Variants in NLRP5 observed in about 807,000 individuals in gnomAD.
The protein encoded by NLRP5 is NACHT, LRR and PYD domains-containing protein 5.
NLRP5 carries 93 observed loss-of-function variants against 113.1 expected under a neutral mutation model. That is an observed-to-expected ratio of 0.82 (90% CI 0.70 to 0.98). NLRP5 has a LOEUF of 0.98. Ranked by LOEUF, NLRP5 falls within the 50% of genes least tolerant of loss-of-function variation. The pLI is 0.00. For missense variants in NLRP5, 1,808 were observed against 1,514.3 expected (o/e 1.19, Z -3.22); for synonymous variants, 751 against 600.7 (o/e 1.25, Z -3.66).
intron 3 of NLRP5, 70 bp downstream of exon 3, chr19:56,008,923 G>A: frequency 3.0e-6 from 4 of 1,336,756 alleles, no homozygotes; most frequent in Non-Finnish European, 4.2e-6. Context: ...GCATCTCTAG[G>A]CATTAGAACC....
intron 9 of NLRP5, among the ~76,000 whole-genome samples, chr19:56,035,413 C>T (rs1045135064): frequency 6.6e-6 from 1 of 152,216 alleles, no homozygotes; most frequent in Non-Finnish European, 1.5e-5. Flanking sequence ...AATGCTGTGC[C>T]TGACATCGTG....
chr19:55,999,824 A>C, intron 1 of NLRP5: 1 of 1,514,620 alleles, frequency 6.6e-7, no homozygotes, highest in South Asian at 1.1e-5. Context: ...GAGGAAACCG[A>C]CCCTCAGCCT....
chr19:56,056,587 A>G (rs1984161657), intron 13 of NLRP5, among the ~76,000 whole-genome samples: 1 of 152,092 alleles, frequency 6.6e-6, no homozygotes, highest in Admixed American at 6.5e-5. Context: ...GCGGTAGTTA[A>G]TTTAACCCAT....
chr19:56,019,310 C>T (rs1044615249), intron 4 of NLRP5, 32 bp from the exon 5 acceptor site: 1 of 1,613,182 alleles, frequency 6.2e-7, no homozygotes, highest in Non-Finnish European at 8.5e-7. Flanking sequence ...ATAATAAACA[C>T]AAGTATGTTG....
intron 6 of NLRP5, among the ~76,000 whole-genome samples, chr19:56,020,977 G>A (rs994079431): frequency 1.3e-5 from 2 of 151,290 alleles, no homozygotes; most frequent in Non-Finnish European, 2.9e-5. Flanking sequence ...AGGTTCAAGC[G>A]ATTCTTCTGT....
At chr19:56,055,833 C>T (rs1238225349) in intron 13 of NLRP5, among the ~76,000 whole-genome samples, 6 of 152,146 alleles carry the variant, frequency 3.9e-5, no homozygotes, top group East Asian at 3.9e-4. Context: ...GCATAAGCCA[C>T]CGCGCCTGGC....
chr19:56,059,546 T>C (rs1984278226), intron 14 of NLRP5, among the ~76,000 whole-genome samples: 1 of 152,146 alleles, frequency 6.6e-6, no homozygotes, highest in Admixed American at 6.6e-5. Context: ...TATTTTAAGT[T>C]TTTTGAGATG....
chr19:56,026,304 A>G (rs1303080864), intron 6 of NLRP5, among the ~76,000 whole-genome samples: 1 of 151,808 alleles, frequency 6.6e-6, no homozygotes. Flanking sequence ...CGAGGTGGGT[A>G]CATCACTAGG....
At chr19:56,002,017 G>C (rs979657839) in intron 1 of NLRP5, among the ~76,000 whole-genome samples, 1 of 152,164 alleles carries the variant, frequency 6.6e-6, no homozygotes, top group Non-Finnish European at 1.5e-5. Flanking sequence ...TATTCCTGGG[G>C]CCTTATAACA....
chr19:55,994,380 A>T, the NLRP5 span, among the ~76,000 whole-genome samples: 2 of 152,016 alleles, frequency 1.3e-5, no homozygotes, highest in Non-Finnish European at 2.9e-5. Flanking sequence ...TATTTTGCAA[A>T]TATTTTCTCC....
In NLRP5 at chr19:56,027,159, A is replaced by G. The variant is rs1982891368; in HGVS notation, c.926A>G (p.Tyr309Cys). 9 of 1,604,110 alleles carry G rather than the reference A, an allele frequency of 5.6e-6. No homozygotes were observed. The highest frequency in any genetic ancestry group is 6.8e-6 in the Non-Finnish European group (8 of 1,175,550). The change falls in exon 7 of 15, where the codon TAC (tyrosine) becomes TGC (cysteine). Residue 309 changes from tyrosine to cysteine, a missense_variant. Physicochemically the swap from Tyr to Cys is radical, Grantham distance 194. Coordinates refer to ENST00000390649, the MANE Select transcript of NLRP5 (RefSeq NM_153447.4). ...CTGTGCTGGGCGCAAGGTGGACTCT[A>G]CCAGGGAATGTTCTCCTACGTCTTC...
chr19:56,012,550 T>C (rs1312335845), intron 3 of NLRP5, among the ~76,000 whole-genome samples: 1 of 137,862 alleles, frequency 7.3e-6, no homozygotes, highest in Non-Finnish European at 1.5e-5. Context: ...ATTACCATAA[T>C]CCAGTCTTAG....
At chr19:56,024,580 T>TACAC (rs1331475566) in intron 6 of NLRP5, among the ~76,000 whole-genome samples, 1 of 123,740 alleles carries the variant, frequency 8.1e-6, no homozygotes, top group East Asian at 2.1e-4. Flanking sequence ...CACATATATA[T>TACAC]ACATACACAC....
At chr19:56,051,961 C>T (rs368918768) in intron 12 of NLRP5, among the ~76,000 whole-genome samples, 2 of 152,288 alleles carry the variant, frequency 1.3e-5, no homozygotes, top group Admixed American at 6.5e-5. Flanking sequence ...AGTATTAATT[C>T]TACCATTTGT....
intron 1 of NLRP5, among the ~76,000 whole-genome samples, chr19:56,003,441 A>G (rs1446794133): frequency 6.6e-6 from 1 of 152,246 alleles, no homozygotes; most frequent in Non-Finnish European, 1.5e-5. Context: ...GGCGTGAGCC[A>G]CTGCACCTGG....
chr19:55,989,653 C>T, the NLRP5 span, among the ~76,000 whole-genome samples: 1 of 152,174 alleles, frequency 6.6e-6, no homozygotes, highest in African/African-American at 2.4e-5. Flanking sequence ...TTCTGCTCAT[C>T]ACCCAAAGAC....
the NLRP5 span, among the ~76,000 whole-genome samples, chr19:55,992,412 C>T: frequency 6.6e-6 from 1 of 152,162 alleles, no homozygotes; most frequent in Non-Finnish European, 1.5e-5. Context: ...GGGTCCAACG[C>T]TACTGCTTTT....
At chr19:56,036,135 C>T (rs1175658543) in intron 9 of NLRP5, among the ~76,000 whole-genome samples, 2 of 138,760 alleles carry the variant, frequency 1.4e-5, no homozygotes, top group African/African-American at 5.5e-5. Context: ...GCAATCTCGG[C>T]TCATTGCAAG....
chr19:56,007,580 T>C (rs1249860575), intron 2 of NLRP5, among the ~76,000 whole-genome samples: 2 of 150,592 alleles, frequency 1.3e-5, no homozygotes, highest in East Asian at 3.9e-4. Flanking sequence ...GAGCAGGAGG[T>C]GAAGACGGAG....
Sources: allele counts gnomAD v4.1 joint callset (sites outside exome capture counted in the v4.1 genomes callset), GRCh38; gene constraint gnomAD v4.1.1; transcripts MANE v1.5; gene names NCBI Gene and HGNC (gene_info 2026-07-23, HGNC 2026-07-21).